SLC44A5: variants seen among roughly 807,000 people sequenced by gnomAD.
SLC44A5 encodes the protein solute carrier family 44 member 5.
Under a neutral mutation model 101.8 loss-of-function variants are expected in SLC44A5, and 57 were observed. The ratio of observed to expected loss-of-function variants is 0.56; its 90% CI spans 0.45 to 0.70. The LOEUF is 0.70. Ranked by LOEUF, SLC44A5 falls within the 30% of genes least tolerant of loss-of-function variation. The probability of loss-of-function intolerance (pLI) is 0.00; values close to 1 mark genes in which losing one functional copy is unlikely to be tolerated. For synonymous variants in SLC44A5, 281 were observed against 290.9 expected, an observed-to-expected ratio of 0.97 and a Z score of 0.35; for missense variants, 737 against 853.1, an observed-to-expected ratio of 0.86 and a Z score of 1.70.
chr1:75,631,635 C>T, the SLC44A5 span, among the ~76,000 whole-genome samples: 1 of 150,090 alleles, frequency 6.7e-6, no homozygotes, highest in African/African-American at 2.5e-5. Flanking sequence ...TAAACTCTGC[C>T]TCCCGATTCT....
At chr1:75,437,068 G>T (rs1401339562) in intron 2 of SLC44A5, among the ~76,000 whole-genome samples, 3 of 152,112 alleles carry the variant, frequency 2.0e-5, no homozygotes, top group Non-Finnish European at 4.4e-5. Flanking sequence ...TAAAGGACCT[G>T]CCTGAGGCTG....
chr1:75,327,084 T>A (rs1428300859), intron 4 of SLC44A5, among the ~76,000 whole-genome samples: 3 of 119,668 alleles, frequency 2.5e-5, no homozygotes, highest in Non-Finnish European at 5.3e-5. Flanking sequence ...TTCTAAGCTT[T>A]ATTTTTTTTT....
At chr1:75,484,864 G>A (rs1456493108) in intron 2 of SLC44A5, among the ~76,000 whole-genome samples, 1 of 152,244 alleles carries the variant, frequency 6.6e-6, no homozygotes, top group Non-Finnish European at 1.5e-5. Context: ...TGCACCTTCT[G>A]AAGCAACAGC....
At position 75,438,051 on chromosome 1, in the gene SLC44A5, G is replaced by A. The variant is rs192598267; in HGVS notation, c.14-41430C>T. Among the ~76,000 whole-genome samples the A allele has an allele frequency of 1.3e-3, 192 of 152,164 alleles. 3 individuals are homozygous for A. The highest frequency in any genetic ancestry group is 3.4e-3 in the Middle Eastern group (1 of 294). On this transcript the variant is annotated intron_variant, in intron 2 of 23. Coordinates refer to ENST00000370859, the MANE Select transcript of SLC44A5 (RefSeq NM_001130058.2). ...AGCCACTGTTAAGAACTACTTAGCC[G>A]TCTTCTTATTCACTCTAATAAAAAA...
intron 6 of SLC44A5, among the ~76,000 whole-genome samples, chr1:75,265,445 T>G (rs968580029): frequency 6.6e-6 from 1 of 152,038 alleles, no homozygotes; most frequent in Non-Finnish European, 1.5e-5. Context: ...GGGTTAATGG[T>G]TAATGGGTAC....
At chr1:75,287,423 A>ATTTTT (rs1404863979) in intron 5 of SLC44A5, among the ~76,000 whole-genome samples, 1 of 20,166 alleles carries the variant, frequency 5.0e-5, no homozygotes, top group Non-Finnish European at 1.0e-4. Context: ...GACCTTCTGA[A>ATTTTT]TTCTTTTTTT....
chr1:75,483,644 C>CA (rs1396232109), intron 2 of SLC44A5, among the ~76,000 whole-genome samples: 1 of 151,954 alleles, frequency 6.6e-6, no homozygotes. Context: ...AACTACATTT[C>CA]AAAAAATGTT....
chr1:75,622,707 A>C, the SLC44A5 span, among the ~76,000 whole-genome samples: 44,625 of 151,902 alleles, frequency 0.29, 7,524 homozygotes, highest in East Asian at 0.82. Context: ...AGGTTTTCTG[A>C]AAAATACATA....
intron 6 of SLC44A5, among the ~76,000 whole-genome samples, chr1:75,253,318 T>C (rs74889673): frequency 3.3e-5 from 5 of 151,582 alleles, no homozygotes; most frequent in African/African-American, 1.2e-4. Flanking sequence ...GAAACTGAAA[T>C]CTTAAATTGG....
At chr1:75,404,314 A>G (rs1662704311) in intron 2 of SLC44A5, among the ~76,000 whole-genome samples, 1 of 152,120 alleles carries the variant, frequency 6.6e-6, no homozygotes, top group South Asian at 2.1e-4. Flanking sequence ...CCTAGCAAGA[A>G]AGGCCAACAT....
rs143762846 is a variant in SLC44A5, at chr1:75,322,582, A to T, written c.101+17000T>A. Among the ~76,000 whole-genome samples the T allele has an allele frequency of 6.9e-3, 1,045 of 152,256 alleles. 19 individuals carry two copies. Among genetic ancestry groups the T allele is most frequent in the African/African-American group, 0.023 (974 of 41,538 alleles). On this transcript the variant is annotated intron_variant, in intron 4 of 23. Transcript: ENST00000370859. ...CAGAAGTACTCAGCAACCAGAGGAC[A>T]TTAGACATTTGACATAATTTTGAGG...
At chr1:75,564,603 T>TTATTTATTTATTTA (rs1672690615) in intron 1 of SLC44A5, among the ~76,000 whole-genome samples, 28 of 138,072 alleles carry the variant, frequency 2.0e-4, no homozygotes, top group Admixed American at 3.7e-4. Context: ...TTTTTTTAAT[T>TTATTTATTTATTTA]TTTATTTATT....
At chr1:75,642,104 T>G in the SLC44A5 span, 19 of 1,155,752 alleles carry the variant, frequency 1.6e-5, 1 homozygote, top group African/African-American at 2.1e-4. Flanking sequence ...TTTTATTTGA[T>G]GTAGATATAA....
chr1:75,397,477 T>C (rs772602705), intron 2 of SLC44A5, among the ~76,000 whole-genome samples: 1 of 152,106 alleles, frequency 6.6e-6, no homozygotes, highest in Non-Finnish European at 1.5e-5. Flanking sequence ...AGAGTCAGAG[T>C]TGGGGTAAAG....
chr1:75,635,473 G>A, the SLC44A5 span, among the ~76,000 whole-genome samples: 5 of 151,988 alleles, frequency 3.3e-5, no homozygotes, highest in African/African-American at 1.2e-4. Context: ...GGAATACTAT[G>A]CAGCCATAAA....
At chr1:75,436,021 G>C (rs374668411) in intron 2 of SLC44A5, among the ~76,000 whole-genome samples, 1 of 152,170 alleles carries the variant, frequency 6.6e-6, no homozygotes, top group South Asian at 2.1e-4. Flanking sequence ...AAACATAAAT[G>C]AAGACACACT....
At chr1:75,353,101 A>G (rs1302068280) in intron 3 of SLC44A5, among the ~76,000 whole-genome samples, 1 of 152,140 alleles carries the variant, frequency 6.6e-6, no homozygotes. Flanking sequence ...TCATATGGCC[A>G]TATGTATGTT....
chr1:75,208,227 C>T (rs1349952750), intron 23 of SLC44A5, among the ~76,000 whole-genome samples: 1 of 152,150 alleles, frequency 6.6e-6, no homozygotes, highest in Non-Finnish European at 1.5e-5. Context: ...GGCGTGATCT[C>T]AGCTCACTGC....
At chr1:75,255,612 G>A (rs374801665) in intron 6 of SLC44A5, among the ~76,000 whole-genome samples, 18 of 151,990 alleles carry the variant, frequency 1.2e-4, no homozygotes, top group East Asian at 5.8e-4. Flanking sequence ...GATAAAAATC[G>A]CAAAGAAATA....
Sources: allele counts gnomAD v4.1 joint callset (sites outside exome capture counted in the v4.1 genomes callset), GRCh38; gene constraint gnomAD v4.1.1; transcripts MANE v1.5; gene names NCBI Gene and HGNC (gene_info 2026-07-23, HGNC 2026-07-21).